The following ZNF365 variants were observed in gnomAD, a reference collection of about 807,000 sequenced individuals.
ZNF365 encodes protein ZNF365.
In ZNF365, 22 loss-of-function variants were observed where a neutral mutation model predicts 35.0. That is an observed-to-expected ratio of 0.63 (90% confidence interval 0.45 to 0.90). The LOEUF (loss-of-function observed/expected upper bound fraction) is 0.90. ZNF365 is among the 40% of genes least tolerant of loss of function. ZNF365 has a pLI of 0.00. For missense variants in ZNF365, 448 were observed against 500.3 expected, an observed-to-expected ratio of 0.90 and a Z score of 1.00; for synonymous variants, 188 against 196.2, an observed-to-expected ratio of 0.96 and a Z score of 0.35.
At chr10:62,380,019 C>T (rs1412836845) in intron 2 of ZNF365, among the ~76,000 whole-genome samples, 1 of 152,220 alleles carries the variant, frequency 6.6e-6, no homozygotes, top group Non-Finnish European at 1.5e-5. Flanking sequence ...TTAAAATTCA[C>T]ATAAGCTTCT....
intron 2 of ZNF365, among the ~76,000 whole-genome samples, chr10:62,385,775 G>A (rs1839514965): frequency 2.0e-5 from 3 of 152,152 alleles, no homozygotes; most frequent in African/African-American, 7.2e-5. Flanking sequence ...GAGAACAAAA[G>A]CTGATTCTGT....
chr10:62,468,635 A>G (rs944555097), intron 4 of ZNF365, among the ~76,000 whole-genome samples: 3 of 152,234 alleles, frequency 2.0e-5, no homozygotes, highest in Admixed American at 6.5e-5. Flanking sequence ...AGCAGTTTGC[A>G]AATGGATAAC....
intron 3 of ZNF365, among the ~76,000 whole-genome samples, chr10:62,442,100 A>T (rs538356885): frequency 6.6e-6 from 1 of 152,342 alleles, no homozygotes; most frequent in East Asian, 1.9e-4. Context: ...CACAGAACCA[A>T]ACCCCAGTGA....
At chr10:62,440,974 T>G (rs1589455250) in intron 3 of ZNF365, among the ~76,000 whole-genome samples, 1 of 152,202 alleles carries the variant, frequency 6.6e-6, no homozygotes, top group African/African-American at 2.4e-5. Flanking sequence ...GAAAAGGCCC[T>G]CTTCAAGTGG....
Position 62,401,685 on chromosome 10 carries a change from A to G in ZNF365, c.*1896A>G. ...ATTGCACCTTAGCCTTTTACATACT[A>G]AAAACATGACTTGTTAGTTGTATTG... On this transcript the variant is annotated 3_prime_UTR_variant, in exon 5 of 5. Coordinates refer to ENST00000395254, the MANE Select transcript of ZNF365 (RefSeq NM_014951.3). The G allele has an allele frequency of 3.0e-6, 3 of 985,550 alleles. No homozygotes were observed. Among genetic ancestry groups the G allele is most frequent in the Non-Finnish European group, 3.6e-6 (3 of 829,914 alleles). The allele number at this position is 985,550 out of a possible 1,614,324, so 61.1% of individuals were successfully genotyped here.
At position 62,400,151 on chromosome 10, in the gene ZNF365, G is replaced by A; in HGVS notation, c.*362G>A. On this transcript the variant is annotated 3_prime_UTR_variant, in exon 5 of 5. Coordinates refer to ENST00000395254, the MANE Select transcript of ZNF365 (RefSeq NM_014951.3). Reference sequence around the variant, plus strand: ...GGCCACACAAAATGTCAGGCCTAGGGAGAAAATTCATCTGTGCCCACTGCT... The same window carrying A: ...GGCCACACAAAATGTCAGGCCTAGGAAGAAAATTCATCTGTGCCCACTGCT... 1 of 1,027,508 alleles carries A rather than the reference G, an allele frequency of 9.7e-7. No homozygotes were observed. Among genetic ancestry groups the A allele is most frequent in the Non-Finnish European group, 1.2e-6 (1 of 854,968 alleles). 63.6% of individuals were successfully genotyped at this position (1,027,508 alleles called of 1,614,324 possible).
chr10:62,470,608 C>G (rs1202302033), intron 4 of ZNF365, among the ~76,000 whole-genome samples: 1 of 152,168 alleles, frequency 6.6e-6, no homozygotes, highest in Non-Finnish European at 1.5e-5. Context: ...CAAATTGACC[C>G]ACAGAAAGGT....
intron 3 of ZNF365, among the ~76,000 whole-genome samples, chr10:62,448,962 T>A (rs1840634797): frequency 6.6e-6 from 1 of 152,232 alleles, no homozygotes; most frequent in Non-Finnish European, 1.5e-5. Context: ...TTTGTGGCTT[T>A]AGCTAAATAA....
chr10:62,420,980 T>A (rs1840158611), intron 3 of ZNF365, among the ~76,000 whole-genome samples: 1 of 151,534 alleles, frequency 6.6e-6, no homozygotes. Context: ...ATGGTTTTTT[T>A]TTTTTTTTAA....
At chr10:62,448,066 C>T (rs1840618762) in intron 3 of ZNF365, among the ~76,000 whole-genome samples, 1 of 152,208 alleles carries the variant, frequency 6.6e-6, no homozygotes, top group Non-Finnish European at 1.5e-5. Flanking sequence ...TCATATCTAT[C>T]CATCTCACCA....
At chr10:62,392,128 T>C (rs1839641425) in intron 3 of ZNF365, among the ~76,000 whole-genome samples, 1 of 152,246 alleles carries the variant, frequency 6.6e-6, no homozygotes, top group Non-Finnish European at 1.5e-5. Context: ...TTGAGTTCCT[T>C]GTAGATTCTG....
chr10:62,415,043 C>T (rs1019141407), intron 3 of ZNF365, among the ~76,000 whole-genome samples: 32 of 151,618 alleles, frequency 2.1e-4, no homozygotes, highest in Non-Finnish European at 3.7e-4. Flanking sequence ...TTAGAGATTA[C>T]GGTTCTCTGA....
chr10:62,408,967 A>G (rs1189338297), intron 3 of ZNF365, among the ~76,000 whole-genome samples: 1 of 152,082 alleles, frequency 6.6e-6, no homozygotes, highest in Non-Finnish European at 1.5e-5. Flanking sequence ...GCTGTAGTTG[A>G]CATCTGCTCT....
intron 4 of ZNF365, among the ~76,000 whole-genome samples, chr10:62,466,074 A>G (rs1840938178): frequency 6.6e-6 from 1 of 152,096 alleles, no homozygotes; most frequent in African/African-American, 2.4e-5. Context: ...AAACATATCC[A>G]CCACTCTGTG....
chr10:62,381,827 C>G (rs1405403683), intron 2 of ZNF365, among the ~76,000 whole-genome samples: 1 of 152,176 alleles, frequency 6.6e-6, no homozygotes, highest in Non-Finnish European at 1.5e-5. Flanking sequence ...AATTTCCATC[C>G]TACTCCCTTG....
chr10:62,378,128 T>C (rs994957233), intron 2 of ZNF365, among the ~76,000 whole-genome samples: 5 of 152,208 alleles, frequency 3.3e-5, no homozygotes, highest in Non-Finnish European at 7.3e-5. Context: ...CCTAGGGAAA[T>C]AATCTCTAAT....
At chr10:62,399,356 A>C (rs970038118) in intron 4 of ZNF365, among the ~76,000 whole-genome samples, 172 bp from the exon 5 acceptor site, 4 of 152,218 alleles carry the variant, frequency 2.6e-5, no homozygotes, top group Non-Finnish European at 5.9e-5. Flanking sequence ...CATGGCGACC[A>C]CAGGAATTTT....
intron 3 of ZNF365, among the ~76,000 whole-genome samples, chr10:62,409,777 C>T (rs1321611843): frequency 6.6e-6 from 1 of 152,076 alleles, no homozygotes; most frequent in Non-Finnish European, 1.5e-5. Context: ...GATATTCATC[C>T]ATCCAACCAA....
chr10:62,403,920 C>T (rs892109593), downstream of ZNF365, among the ~76,000 whole-genome samples: 27 of 152,252 alleles, frequency 1.8e-4, no homozygotes, highest in Middle Eastern at 3.4e-3. Flanking sequence ...AAAGAAGCCC[C>T]GGAGCAATTT....
Sources: allele counts gnomAD v4.1 joint callset (sites outside exome capture counted in the v4.1 genomes callset), GRCh38; gene constraint gnomAD v4.1.1; transcripts MANE v1.5; gene names NCBI Gene and HGNC (gene_info 2026-07-23, HGNC 2026-07-21).